SYT1: variants seen among roughly 807,000 people sequenced by gnomAD.
SYT1 encodes the protein synaptotagmin 1.
In SYT1, 8 loss-of-function variants were observed where a neutral mutation model predicts 44.8. The observed-to-expected ratio is 0.18, with a 90% CI of 0.10 to 0.32. The LOEUF (loss-of-function observed/expected upper bound fraction) is 0.32. Ranked by LOEUF, SYT1 falls within the 10% of genes least tolerant of loss-of-function variation. The pLI, the probability that SYT1 is intolerant of heterozygous loss-of-function variation, is 1.00. For missense variants in SYT1, 286 were observed against 509.3 expected (o/e 0.56, Z 4.22); for synonymous variants, 154 against 188.8 (o/e 0.82, Z 1.51).
intron 3 of SYT1, among the ~76,000 whole-genome samples, chr12:79,141,594 T>C (rs372877031): frequency 6.6e-6 from 1 of 152,108 alleles, no homozygotes; most frequent in African/African-American, 2.4e-5. Context: ...GTTCTAGCAC[T>C]GACAATGAGA....
intron 1 of SYT1, among the ~76,000 whole-genome samples, chr12:78,875,643 A>G (rs1874027891): frequency 6.6e-6 from 1 of 151,650 alleles, no homozygotes. Context: ...ATTATTAAGA[A>G]GTTTTCAAAA....
intron 3 of SYT1, among the ~76,000 whole-genome samples, chr12:79,184,666 C>G (rs1526967): frequency 0.69 from 105,078 of 151,916 alleles, 36,700 homozygotes; most frequent in African/African-American, 0.73. Flanking sequence ...GAGATAATAT[C>G]CAGCATTCAG....
chr12:79,090,985 A>G (rs1292964994), intron 3 of SYT1, among the ~76,000 whole-genome samples: 3 of 151,902 alleles, frequency 2.0e-5, no homozygotes, highest in African/African-American at 7.2e-5. Flanking sequence ...AAATAAAAGG[A>G]CCTCAGAGAA....
At chr12:79,164,243 T>C (rs1447612521) in intron 3 of SYT1, among the ~76,000 whole-genome samples, 1 of 152,108 alleles carries the variant, frequency 6.6e-6, no homozygotes, top group Non-Finnish European at 1.5e-5. Context: ...CCCAAGACAC[T>C]ACTGCGGAGG....
intron 1 of SYT1, among the ~76,000 whole-genome samples, chr12:78,881,435 C>G (rs927311366): frequency 6.6e-6 from 1 of 151,586 alleles, no homozygotes; most frequent in African/African-American, 2.4e-5. Flanking sequence ...GTTTTGAACT[C>G]GCTGGGTTTA....
At chr12:79,145,585 C>T (rs1869827378) in intron 3 of SYT1, among the ~76,000 whole-genome samples, 1 of 152,154 alleles carries the variant, frequency 6.6e-6, no homozygotes, top group African/African-American at 2.4e-5. Flanking sequence ...CTCATGACAA[C>T]AACCCAATGA....
chr12:79,019,154 A>AT (rs1268097014), intron 2 of SYT1, among the ~76,000 whole-genome samples: 1 of 152,002 alleles, frequency 6.6e-6, no homozygotes, highest in East Asian at 1.9e-4. Context: ...GGGGTCACAG[A>AT]TTTGCTGGCT....
At chr12:79,006,791 A>G (rs1014180368) in intron 2 of SYT1, among the ~76,000 whole-genome samples, 5 of 152,162 alleles carry the variant, frequency 3.3e-5, no homozygotes, top group African/African-American at 1.2e-4. Flanking sequence ...TGCTTTCTCC[A>G]CTATCAGCCA....
chr12:79,429,159 T>G (rs1323086961), intron 9 of SYT1, among the ~76,000 whole-genome samples: 1 of 152,120 alleles, frequency 6.6e-6, no homozygotes, highest in Non-Finnish European at 1.5e-5. Context: ...AATATGAAAT[T>G]TGGAGGGGAC....
chr12:79,293,368 A>C (rs1483800472), intron 6 of SYT1, among the ~76,000 whole-genome samples: 1 of 140,222 alleles, frequency 7.1e-6, no homozygotes, highest in African/African-American at 2.7e-5. Context: ...AATAAAATAA[A>C]ATAAAATAAA....
chr12:79,251,648 G>A (rs1200060724), intron 4 of SYT1, among the ~76,000 whole-genome samples: 1 of 152,170 alleles, frequency 6.6e-6, no homozygotes, highest in Non-Finnish European at 1.5e-5. Flanking sequence ...CACTCACCAA[G>A]TGAAGAGCTC....
intron 9 of SYT1, among the ~76,000 whole-genome samples, chr12:79,440,745 C>G (rs964877754): frequency 1.3e-5 from 2 of 151,950 alleles, no homozygotes; most frequent in African/African-American, 4.8e-5. Flanking sequence ...TATCCAGAGG[C>G]CTATTTTGTA....
rs74507250 is a variant in SYT1, at chr12:79,208,144, T to C, written c.-17-9359T>C. Among the ~76,000 whole-genome samples, 26 of 152,288 alleles carry C rather than the reference T, an allele frequency of 1.7e-4. No individual in the cohort carries two copies. In the East Asian group the frequency reaches 5.0e-3, roughly 29 times the overall value. On this transcript the variant is annotated intron_variant, in intron 3 of 10. Coordinates refer to ENST00000261205, the MANE Select transcript of SYT1 (RefSeq NM_005639.3). ...TACTTCTTCTTCATGCTTTCCCACCTGCTTCCTGGAAATCAGAGTCATGTT... is the reference window on the plus strand; with the variant it reads ...TACTTCTTCTTCATGCTTTCCCACCCGCTTCCTGGAAATCAGAGTCATGTT...
At chr12:79,378,869 C>G (rs1258911083) in intron 9 of SYT1, among the ~76,000 whole-genome samples, 1 of 152,060 alleles carries the variant, frequency 6.6e-6, no homozygotes, top group Non-Finnish European at 1.5e-5. Flanking sequence ...ATTTACAGCC[C>G]AAATTAGGAA....
At chr12:78,971,528 T>G (rs1868386445) in intron 1 of SYT1, among the ~76,000 whole-genome samples, 1 of 152,166 alleles carries the variant, frequency 6.6e-6, no homozygotes, top group South Asian at 2.1e-4. Flanking sequence ...TCTGAACAAT[T>G]CACAAAGAAA....
chr12:79,208,963 G>A (rs1010914766), intron 3 of SYT1, among the ~76,000 whole-genome samples: 1 of 152,150 alleles, frequency 6.6e-6, no homozygotes, highest in South Asian at 2.1e-4. Flanking sequence ...AAAATCTGGA[G>A]GTAACTAGAT....
At chr12:79,216,865 C>T (rs1459378439) in intron 3 of SYT1, among the ~76,000 whole-genome samples, 1 of 152,036 alleles carries the variant, frequency 6.6e-6, no homozygotes, top group Non-Finnish European at 1.5e-5. Context: ...AATAATTACC[C>T]AGCAAGACAA....
chr12:79,133,481 C>T lies in SYT1; in HGVS notation c.-17-84022C>T, dbSNP rs535674235. 8.5e-5 allele frequency among the ~76,000 whole-genome samples: 13 copies of T among 152,228 alleles called. No individual in the cohort carries two copies. The East Asian group carries it at 2.3e-3, about 27-fold the overall frequency. ...TAAATACCCTGTTTGGATAATTATACCTTGTATGCATGTATCAAAATATCA... is the reference window on the plus strand; with the variant it reads ...TAAATACCCTGTTTGGATAATTATATCTTGTATGCATGTATCAAAATATCA... On this transcript the variant is annotated intron_variant, in intron 3 of 10. Coordinates refer to ENST00000261205, the MANE Select transcript of SYT1 (RefSeq NM_005639.3).
chr12:79,436,514 T>C (rs780041976), intron 9 of SYT1, among the ~76,000 whole-genome samples: 1 of 152,216 alleles, frequency 6.6e-6, no homozygotes, highest in African/African-American at 2.4e-5. Context: ...AAATGAAAAC[T>C]GCAGGCATCT....
Sources: gnomAD v4.1 joint callset for allele counts (sites outside exome capture counted in the v4.1 genomes callset) on GRCh38, gnomAD v4.1.1 for gene constraint, MANE v1.5 for transcripts, NCBI Gene and HGNC (gene_info 2026-07-23, HGNC 2026-07-21) for gene names.